The following ACAD10 variants were observed in gnomAD, a reference collection of about 807,000 sequenced individuals.
ACAD10 encodes the protein acyl-CoA dehydrogenase family member 10, also known as ACAD-10.
In ACAD10, 112 loss-of-function variants were observed where a neutral mutation model predicts 116.8. The observed-to-expected ratio is 0.96, with a 90% CI of 0.82 to 1.12. ACAD10 has a LOEUF of 1.12. Among genes scored for constraint, ACAD10 ranks in the 50% most tolerant of loss-of-function variants. ACAD10 has a pLI of 0.00. For synonymous variants in ACAD10, 486 were observed against 510.6 expected, an observed-to-expected ratio of 0.95 and a Z score of 0.65; for missense variants, 1,259 against 1,350.2, an observed-to-expected ratio of 0.93 and a Z score of 1.06.
intron 4 of ACAD10, among the ~76,000 whole-genome samples, chr12:111,707,582 C>T (rs1486577656): frequency 2.0e-5 from 3 of 152,194 alleles, no homozygotes; most frequent in African/African-American, 7.2e-5. Context: ...CAAAAGGGAA[C>T]AGCTCATGAA....
Position 111,748,445 on chromosome 12 carries a change from CTGACGG to C in ACAD10, c.2617_2622del (p.Thr873_Val874del). On this transcript the variant is annotated inframe_deletion, in exon 17 of 21. Transcript: ENST00000313698. The stretch of plus-strand genomic sequence containing the variant: ...CCCAGGGATAAAAATCATCCGGCCT[CTGACGG>C]TGTATGGACTGGAAGATGCACCAGG... 6.2e-7 allele frequency: 1 copy of C among 1,613,860 alleles called. No homozygotes were observed.
chr12:111,719,479 C>T (rs1259535475), intron 7 of ACAD10, among the ~76,000 whole-genome samples: 1 of 152,126 alleles, frequency 6.6e-6, no homozygotes, highest in East Asian at 1.9e-4. Flanking sequence ...GTCTCAATCT[C>T]CTGACCTCAT....
At chr12:111,693,367 C>G (rs1353356421) in intron 2 of ACAD10, among the ~76,000 whole-genome samples, 1 of 152,026 alleles carries the variant, frequency 6.6e-6, no homozygotes, top group African/African-American at 2.4e-5. Flanking sequence ...AGTGAGACCC[C>G]GTATCTGCAG....
At chr12:111,735,459 ATT>A (rs1177915405) in intron 11 of ACAD10, among the ~76,000 whole-genome samples, 2,299 of 145,332 alleles carry the variant, frequency 0.016, 69 homozygotes, top group African/African-American at 0.054. Context: ...AAATAAGTGA[ATT>A]TTTTTTTTTT....
Position 111,746,201 on chromosome 12 carries a change from G to A in ACAD10, c.2173G>A (p.Glu725Lys), listed in dbSNP as rs374399374. ...NLFLPLEADPEKKYGAGLTNV... is the reference protein window; with the variant it reads ...NLFLPLEADPKKKYGAGLTNV... The stretch of plus-strand genomic sequence containing the variant: ...TTTCCTACCCTTAGAGGCTGATCCC[G>A]AGAAAAAATACGGAGCAGGACTGAC... Residue 725 changes from glutamate to lysine, a missense_variant, in exon 14 of 21, where the codon GAG becomes AAG. Coordinates refer to ENST00000313698, the MANE Select transcript of ACAD10 (RefSeq NM_025247.6). The A allele has an allele frequency of 2.4e-5, 38 of 1,613,742 alleles. No homozygotes were observed. The highest frequency in any genetic ancestry group is 1.6e-4 in the Middle Eastern group (1 of 6,084).
intron 3 of ACAD10, among the ~76,000 whole-genome samples, chr12:111,704,287 G>A (rs529753944): frequency 3.3e-5 from 5 of 151,894 alleles, no homozygotes; most frequent in African/African-American, 4.8e-5. Flanking sequence ...GACTACAGGC[G>A]TGTGCCACCA....
intron 12 of ACAD10, among the ~76,000 whole-genome samples, chr12:111,740,460 C>CAA (rs563956614): frequency 9.8e-5 from 7 of 71,162 alleles, no homozygotes; most frequent in East Asian, 4.4e-4. Context: ...GACTCCATCT[C>CAA]AAAAAAAAAA....
chr12:111,720,779 T>TTTATC (rs1200878921), intron 7 of ACAD10, among the ~76,000 whole-genome samples: 1 of 151,842 alleles, frequency 6.6e-6, no homozygotes, highest in East Asian at 1.9e-4. Flanking sequence ...ATTTCTTTTA[T>TTTATC]TTATTTTATT....
In ACAD10 at chr12:111,756,653, A is replaced by G; in HGVS notation, c.*180A>G. On this transcript the variant is annotated 3_prime_UTR_variant, in exon 21 of 21. Transcript: ENST00000313698. ...CTCCACAGAAGACGTCTCTGCAAGA[A>G]GCCTGGAGTCTGTTTCAGGCCAGGA... 1 of 1,047,218 alleles carries G rather than the reference A, an allele frequency of 9.5e-7. No individual in the cohort carries two copies. The highest frequency in any genetic ancestry group is 1.4e-6 in the Non-Finnish European group (1 of 702,468). The allele number at this position is 1,047,218 out of a possible 1,614,324, so 64.9% of individuals were successfully genotyped here. A position where few individuals can be genotyped will look rare whatever the true frequency, so the allele number is the denominator to read the frequency against.
At chr12:111,745,941 A>T (rs983084000) in intron 13 of ACAD10, among the ~76,000 whole-genome samples, 1 of 146,114 alleles carries the variant, frequency 6.8e-6, no homozygotes. Flanking sequence ...TCCTGGGCTC[A>T]TGTGATCCTC....
intron 5 of ACAD10, among the ~76,000 whole-genome samples, chr12:111,711,874 G>A (rs1888696030): frequency 6.6e-6 from 1 of 152,196 alleles, no homozygotes; most frequent in Non-Finnish European, 1.5e-5. Flanking sequence ...TATGTTTTTA[G>A]TTCCTGCAAT....
In ACAD10 at chr12:111,718,544, A is replaced by G. The variant is rs566307708; in HGVS notation, c.992+2582A>G. On this transcript the variant is annotated intron_variant, in intron 7 of 20. Coordinates refer to ENST00000313698, the MANE Select transcript of ACAD10 (RefSeq NM_025247.6). ...ACCCAGGCTGGAGTGCAGTGGCGCA[A>G]TCTCGGCTCACTGCAACCTCTGCCT... Among the ~76,000 whole-genome samples the G allele has an allele frequency of 2.2e-4, 33 of 151,990 alleles. No individual in the cohort carries two copies. The South Asian group carries it at 6.2e-3, about 29-fold the overall frequency.
chr12:111,749,597 A>G (rs1890013691), intron 18 of ACAD10: 17 of 534,370 alleles, frequency 3.2e-5, no homozygotes, highest in South Asian at 1.5e-4. Context: ...AGCAGAGGCA[A>G]GGTTCCAAGG....
chr12:111,693,690 G>A (rs1226542393), intron 2 of ACAD10, among the ~76,000 whole-genome samples: 1 of 152,076 alleles, frequency 6.6e-6, no homozygotes, highest in East Asian at 1.9e-4. Flanking sequence ...GACTGACAGG[G>A]TAAGGGTCAG....
At position 111,692,876 on chromosome 12, in the gene ACAD10, C is replaced by A; in HGVS notation, c.167C>A (p.Ser56Tyr). Residue 56 changes from serine (S) to tyrosine (Y), a missense_variant, in exon 2 of 21, where the codon TCT becomes TAT. Transcript: ENST00000313698. ...GACATGGGCGGAGTTCTCATTCCTT[C>A]TCCAGGGAGAGTCGCTGCAGGTGAG... ...IFDMGGVLIP[S>Y]PGRVAAEWEV... 6.2e-7 allele frequency: 1 copy of A among 1,614,122 alleles called. No individual in the cohort carries two copies. The highest frequency in any genetic ancestry group is 8.5e-7 in the Non-Finnish European group (1 of 1,180,000).
intron 18 of ACAD10, 88 bp downstream of exon 18, chr12:111,749,433 G>C (rs1018080198): frequency 1.3e-6 from 2 of 1,503,516 alleles, no homozygotes. Flanking sequence ...TGTTTTCTGA[G>C]TGCAGTCCTA....
chr12:111,719,296 C>G (rs938920938), intron 7 of ACAD10, among the ~76,000 whole-genome samples: 16 of 152,124 alleles, frequency 1.1e-4, no homozygotes, highest in Non-Finnish European at 7.3e-5. Flanking sequence ...GTCTGTCACC[C>G]AGGCCGTAGT....
intron 18 of ACAD10, chr12:111,752,711 C>A (rs1397841737): frequency 6.6e-6 from 1 of 151,930 alleles, no homozygotes; most frequent in Non-Finnish European, 1.5e-5. Flanking sequence ...AGGAGAATAT[C>A]CACCAAATAT....
chr12:111,717,996 T>C (rs575932789), intron 7 of ACAD10, among the ~76,000 whole-genome samples: 1 of 150,474 alleles, frequency 6.6e-6, no homozygotes, highest in Admixed American at 6.6e-5. Context: ...TAATATTCCC[T>C]TACTATCCTT....
Sources: gnomAD v4.1 joint callset for allele counts (sites outside exome capture counted in the v4.1 genomes callset) on GRCh38, gnomAD v4.1.1 for gene constraint, MANE v1.5 for transcripts, NCBI Gene and HGNC (gene_info 2026-07-23, HGNC 2026-07-21) for gene names.